EVA1A: variants seen among roughly 807,000 people sequenced by gnomAD.
The protein encoded by EVA1A is eva-1 homolog A, regulator of programmed cell death.
A neutral mutation model predicts 9.8 loss-of-function variants in EVA1A; 7 were observed. That is an observed-to-expected ratio of 0.71 (90% CI 0.41 to 1.34). The LOEUF is 1.34. Among genes scored for constraint, EVA1A ranks in the 40% most tolerant of loss-of-function variants. The pLI, the probability that EVA1A is intolerant of heterozygous loss-of-function variation, is 0.01. For synonymous variants in EVA1A, 90 were observed against 85.6 expected, an observed-to-expected ratio of 1.05 and a Z score of -0.28; for missense variants, 206 against 205.9, an observed-to-expected ratio of 1.00 and a Z score of 0.00.
intron 1 of EVA1A, among the ~76,000 whole-genome samples, chr2:75,528,510 T>G (rs1460577489): frequency 1.3e-5 from 2 of 152,070 alleles, no homozygotes; most frequent in East Asian, 1.9e-4. Flanking sequence ...TTCCCCGACT[T>G]CCCTGGCAAT....
intron 1 of EVA1A, among the ~76,000 whole-genome samples, chr2:75,523,241 C>G (rs1396453851): frequency 1.3e-5 from 2 of 152,166 alleles, no homozygotes; most frequent in Admixed American, 6.5e-5. Context: ...TGTCACTATC[C>G]TACGTTAATT....
Position 75,498,648 on chromosome 2 carries a change from T to C in EVA1A, c.86-5039A>G, listed in dbSNP as rs577661397. Among the ~76,000 whole-genome samples, 6 of 152,344 alleles carry C rather than the reference T, an allele frequency of 3.9e-5. No homozygotes were observed. The South Asian group carries it at 1.0e-3, about 26-fold the overall frequency. On this transcript the variant is annotated intron_variant, in intron 3 of 3. Coordinates refer to ENST00000393913, the MANE Select transcript of EVA1A (RefSeq NM_001135032.2). ...CACTGTTTCAGGAAAAGATCTGTTT[T>C]AGATATTATTTAACAATTAGCTTAA... is the stretch of plus-strand genomic sequence containing the variant.
upstream of EVA1A, among the ~76,000 whole-genome samples, chr2:75,563,062 C>T (rs545072340): frequency 1.3e-5 from 2 of 152,324 alleles, no homozygotes; most frequent in East Asian, 3.9e-4. Flanking sequence ...ACTACCACTA[C>T]TAAGAACTGC....
intron 3 of EVA1A, 143 bp downstream of exon 3, chr2:75,517,913 C>A (rs1675072464): frequency 1.0e-6 from 1 of 980,590 alleles, no homozygotes. Context: ...GACCTTTCAT[C>A]TCAAAGCTCA....
At chr2:75,569,130 GT>G (rs1301137421) in intron 1 of EVA1A, among the ~76,000 whole-genome samples, 2 of 151,750 alleles carry the variant, frequency 1.3e-5, no homozygotes, top group East Asian at 3.9e-4. Context: ...AACATATATT[GT>G]TTTTTGACAT....
chr2:75,521,658 C>G (rs1572963382), intron 2 of EVA1A, among the ~76,000 whole-genome samples: 1 of 152,162 alleles, frequency 6.6e-6, no homozygotes, highest in Non-Finnish European at 1.5e-5. Context: ...TTGTCAGGAA[C>G]AGGAGCAGGG....
chr2:75,508,028 T>C (rs1170147437), intron 3 of EVA1A, among the ~76,000 whole-genome samples: 3 of 152,230 alleles, frequency 2.0e-5, no homozygotes, highest in Non-Finnish European at 2.9e-5. Flanking sequence ...ATTGTGAAGA[T>C]TTCATGGACA....
At chr2:75,556,715 C>A (rs564982709) in intron 1 of EVA1A, among the ~76,000 whole-genome samples, 1 of 152,102 alleles carries the variant, frequency 6.6e-6, no homozygotes, top group South Asian at 2.1e-4. Flanking sequence ...AATTTTTCCA[C>A]GGATAGGGGG....
intron 1 of EVA1A, among the ~76,000 whole-genome samples, chr2:75,555,563 ACTAGAGACAGTGT>A (rs1463604420): frequency 6.6e-6 from 1 of 152,116 alleles, no homozygotes; most frequent in African/African-American, 2.4e-5. Context: ...TTCTTTGCTT[ACTAGAGACAGTGT>A]CTCTCCCTGA....
At chr2:75,565,018 AC>A (rs1193499642), upstream of EVA1A, among the ~76,000 whole-genome samples, 1 of 152,242 alleles carries the variant, frequency 6.6e-6, no homozygotes, top group Non-Finnish European at 1.5e-5. Context: ...TGCCAAAGGC[AC>A]CACAAGATGC....
At chr2:75,504,558 T>C (rs1480836637) in intron 3 of EVA1A, among the ~76,000 whole-genome samples, 3 of 152,224 alleles carry the variant, frequency 2.0e-5, no homozygotes, top group Admixed American at 6.5e-5. Context: ...GACTTGTTCT[T>C]CTCCAGGAAG....
At chr2:75,553,879 C>G (rs11126476) in intron 1 of EVA1A, among the ~76,000 whole-genome samples, 3 of 151,966 alleles carry the variant, frequency 2.0e-5, no homozygotes, top group Admixed American at 2.0e-4. Context: ...AGTGCTCATT[C>G]CGCCCACTCT....
chr2:75,516,795 A>G (rs1675022310), intron 3 of EVA1A, among the ~76,000 whole-genome samples: 1 of 152,238 alleles, frequency 6.6e-6, no homozygotes, highest in African/African-American at 2.4e-5. Context: ...AGCTAAGGAA[A>G]TTATGCTTCA....
Position 75,493,916 on chromosome 2 carries a change from G to C in EVA1A, c.86-307C>G, listed in dbSNP as rs371386040. Reference sequence around the variant, plus strand: ...GCACCTACTGTACGCAAGCAGCCGTGCTTAGGTGTCATTTGTTTAAGAGAT... The same window carrying C: ...GCACCTACTGTACGCAAGCAGCCGTCCTTAGGTGTCATTTGTTTAAGAGAT... On this transcript the variant is annotated intron_variant, in intron 3 of 3. Coordinates refer to ENST00000393913, the MANE Select transcript of EVA1A (RefSeq NM_001135032.2). 1.6e-4 allele frequency among the ~76,000 whole-genome samples: 24 copies of C among 152,338 alleles called. No individual in the cohort carries two copies. The South Asian group carries it at 4.4e-3, about 28-fold the overall frequency.
At chr2:75,555,587 C>T (rs1360505428) in intron 1 of EVA1A, among the ~76,000 whole-genome samples, 3 of 152,106 alleles carry the variant, frequency 2.0e-5, no homozygotes, top group African/African-American at 7.2e-5. Flanking sequence ...CTCTCCCTGA[C>T]CCGTGGGCTC....
intron 1 of EVA1A, among the ~76,000 whole-genome samples, chr2:75,539,527 A>G (rs1208774238): frequency 6.6e-6 from 1 of 152,220 alleles, no homozygotes; most frequent in Non-Finnish European, 1.5e-5. Context: ...AAAGAAATAG[A>G]CACTGCTTCA....
chr2:75,534,487 C>A (rs1214748532), intron 1 of EVA1A, among the ~76,000 whole-genome samples: 2 of 130,282 alleles, frequency 1.5e-5, no homozygotes, highest in South Asian at 2.3e-4. Context: ...AATTCTAAAA[C>A]AATGTTCAAG....
chr2:75,560,866 A>C lies in EVA1A; in HGVS notation c.-378T>G, dbSNP rs931407806. The C allele has an allele frequency of 2.6e-5, 4 of 152,922 alleles. No homozygotes were observed. Among genetic ancestry groups the C allele is most frequent in the African/African-American group, 9.7e-5 (4 of 41,436 alleles). The allele number at this position is 152,922 out of a possible 1,614,324, so 9.5% of individuals were successfully genotyped here. On this transcript the variant is annotated 5_prime_UTR_variant, in exon 1 of 4. Transcript: ENST00000393913. ...CGCCGGGGTCAGGGCTGGCCTGGGG[A>C]TGTGGGGTCCCGGCCTGGGTGCTCA...
intron 1 of EVA1A, among the ~76,000 whole-genome samples, chr2:75,540,183 C>A (rs1048641939): frequency 6.6e-6 from 1 of 152,228 alleles, no homozygotes. Context: ...GATAGACACA[C>A]CTAGGTGTGG....
Sources: allele counts gnomAD v4.1 joint callset (sites outside exome capture counted in the v4.1 genomes callset), GRCh38; gene constraint gnomAD v4.1.1; transcripts MANE v1.5; gene names NCBI Gene and HGNC (gene_info 2026-07-23, HGNC 2026-07-21).